CTNND2: variants seen among roughly 807,000 people sequenced by gnomAD.
The protein encoded by CTNND2 is catenin delta-2.
A neutral mutation model predicts 144.4 loss-of-function variants in CTNND2; 22 were observed. The ratio of observed to expected loss-of-function variants is 0.15; its 90% CI spans 0.11 to 0.22. The LOEUF (loss-of-function observed/expected upper bound fraction) is 0.22. Among genes scored for constraint, CTNND2 ranks in the 10% least tolerant of loss-of-function variants. CTNND2 has a pLI of 1.00. For synonymous variants in CTNND2, 751 were observed against 695.6 expected, an observed-to-expected ratio of 1.08 and a Z score of -1.25; for missense variants, 1,353 against 1,618.8, an observed-to-expected ratio of 0.84 and a Z score of 2.82.
At chr5:11,856,576 G>A (rs16898854) in intron 1 of CTNND2, among the ~76,000 whole-genome samples, 105,354 of 152,046 alleles carry the variant, frequency 0.69, 36,605 homozygotes, top group South Asian at 0.78. Context: ...GGAAGAAGCG[G>A]AAGTAAAAAG....
chr5:11,364,089 T>A (rs61750676), intron 8 of CTNND2, among the ~76,000 whole-genome samples: 1 of 152,296 alleles, frequency 6.6e-6, no homozygotes, highest in African/African-American at 2.4e-5. Flanking sequence ...AACACTTGCG[T>A]TTTGTCGTGT....
intron 1 of CTNND2, among the ~76,000 whole-genome samples, chr5:11,893,412 A>G (rs1299787442): frequency 6.6e-6 from 1 of 152,228 alleles, no homozygotes; most frequent in Non-Finnish European, 1.5e-5. Flanking sequence ...GCTAACTACT[A>G]GTTATAACTT....
chr5:11,461,313 C>T (rs185659337), intron 3 of CTNND2, among the ~76,000 whole-genome samples: 28 of 152,106 alleles, frequency 1.8e-4, no homozygotes, highest in East Asian at 9.6e-4. Flanking sequence ...TGCAGAATGC[C>T]GAGAGAACAC....
chr5:11,592,128 TTTCCTGCCTTCCTGCCTTCCTGCC>T (rs1221933675), intron 2 of CTNND2, among the ~76,000 whole-genome samples: 1 of 135,602 alleles, frequency 7.4e-6, no homozygotes, highest in East Asian at 2.2e-4. Flanking sequence ...TCCTTCCTTC[TTTCCTGCCTTCCTGCCTTCCTGCC>T]TTCCTGCCTG....
At chr5:11,506,210 A>G (rs1771019496) in intron 3 of CTNND2, among the ~76,000 whole-genome samples, 1 of 152,144 alleles carries the variant, frequency 6.6e-6, no homozygotes, top group Non-Finnish European at 1.5e-5. Flanking sequence ...AGATTGGCCA[A>G]TAGGGCAGGC....
At chr5:11,498,668 T>C (rs762076488) in intron 3 of CTNND2, among the ~76,000 whole-genome samples, 5 of 152,218 alleles carry the variant, frequency 3.3e-5, no homozygotes, top group Non-Finnish European at 5.9e-5. Context: ...AATAAAATGC[T>C]GGCAGTTAAA....
intron 11 of CTNND2, among the ~76,000 whole-genome samples, chr5:11,193,345 G>T (rs1231309423): frequency 1.3e-5 from 2 of 152,086 alleles, no homozygotes; most frequent in Non-Finnish European, 2.9e-5. Context: ...ATTTCTCCAT[G>T]GGAATTTGAT....
At chr5:11,563,868 T>C (rs1472664060) in intron 3 of CTNND2, among the ~76,000 whole-genome samples, 1 of 152,228 alleles carries the variant, frequency 6.6e-6, no homozygotes, top group Non-Finnish European at 1.5e-5. Flanking sequence ...TACAAAGACA[T>C]TTTTATTCTT....
intron 2 of CTNND2, among the ~76,000 whole-genome samples, chr5:11,577,439 T>C (rs765614816): frequency 2.0e-5 from 3 of 152,182 alleles, no homozygotes; most frequent in Non-Finnish European, 4.4e-5. Flanking sequence ...AAGATGACTT[T>C]CCCTTAGAAA....
At chr5:11,412,266 G>T (rs6884424) in intron 3 of CTNND2, among the ~76,000 whole-genome samples, 197 bp from the exon 4 acceptor site, 1 of 151,836 alleles carries the variant, frequency 6.6e-6, no homozygotes, top group Non-Finnish European at 1.5e-5. Context: ...CTTTTGATTC[G>T]CAAGTATTAG....
intron 9 of CTNND2, among the ~76,000 whole-genome samples, chr5:11,250,491 C>CTCTCTCTCTATATATA (rs869141186): frequency 6.1e-4 from 39 of 64,108 alleles, no homozygotes; most frequent in African/African-American, 2.3e-3. Context: ...CTCTCTCTCT[C>CTCTCTCTCTATATATA]TATATATATA....
At chr5:11,800,828 T>A (rs1005284463) in intron 1 of CTNND2, among the ~76,000 whole-genome samples, 1 of 152,174 alleles carries the variant, frequency 6.6e-6, no homozygotes, top group East Asian at 1.9e-4. Context: ...GATAAAGTAA[T>A]AGATACTTTA....
At chr5:11,563,561 G>A (rs1776839475) in intron 3 of CTNND2, among the ~76,000 whole-genome samples, 1 of 152,148 alleles carries the variant, frequency 6.6e-6, no homozygotes, top group Non-Finnish European at 1.5e-5. Context: ...TAATCTGGAT[G>A]TTTAGGCAAG....
intron 2 of CTNND2, among the ~76,000 whole-genome samples, chr5:11,662,130 CATATATGT>C (rs1453834467): frequency 4.0e-5 from 5 of 126,052 alleles, no homozygotes; most frequent in African/African-American, 1.8e-4. Flanking sequence ...TATATATATA[CATATATGT>C]ATATATACAC....
chr5:11,349,121 C>A (rs1755086746), intron 8 of CTNND2, among the ~76,000 whole-genome samples: 1 of 151,986 alleles, frequency 6.6e-6, no homozygotes. Context: ...GAAAAAATGG[C>A]TTCATGGGAT....
At chr5:11,824,149 T>C (rs1310636363) in intron 1 of CTNND2, among the ~76,000 whole-genome samples, 1 of 142,656 alleles carries the variant, frequency 7.0e-6, no homozygotes, top group Non-Finnish European at 1.5e-5. Context: ...TGATAAAAAA[T>C]TAAATGTTTA....
intron 2 of CTNND2, among the ~76,000 whole-genome samples, chr5:11,601,342 T>C (rs1196492523): frequency 4.6e-5 from 7 of 152,172 alleles, no homozygotes; most frequent in Non-Finnish European, 1.0e-4. Flanking sequence ...AGACTCTTTC[T>C]TGCAATTCTA....
In CTNND2 at chr5:11,889,016, C is replaced by A. The variant is rs558717451; in HGVS notation, c.37+14801G>T. 3.3e-5 allele frequency among the ~76,000 whole-genome samples: 5 copies of A among 152,240 alleles called. No individual in the cohort carries two copies. In the South Asian group the frequency reaches 1.0e-3, roughly 32 times the overall value. ...CTGTCCACCTCAGCTTCTCAAAGTG[C>A]TGTGATTATAGATGTGAGTCACCAC... On this transcript the variant is annotated intron_variant, in intron 1 of 21. Transcript: ENST00000304623.
At chr5:11,086,307 G>C (rs539610285) in intron 15 of CTNND2, among the ~76,000 whole-genome samples, 2 of 152,110 alleles carry the variant, frequency 1.3e-5, no homozygotes, top group African/African-American at 4.8e-5. Flanking sequence ...GTCCATGTGT[G>C]TCCTGGAGAA....
Sources: allele counts gnomAD v4.1 joint callset (sites outside exome capture counted in the v4.1 genomes callset), GRCh38; gene constraint gnomAD v4.1.1; transcripts MANE v1.5; gene names NCBI Gene and HGNC (gene_info 2026-07-23, HGNC 2026-07-21).